The following AHCYL2 variants were observed in gnomAD, a reference collection of about 807,000 sequenced individuals.
The protein encoded by AHCYL2 is adenosylhomocysteinase like 2.
AHCYL2 carries 28 observed loss-of-function variants against 81.4 expected under a neutral mutation model. The ratio of observed to expected loss-of-function variants is 0.34; its 90% CI spans 0.25 to 0.47. The LOEUF is 0.47. Ranked by LOEUF, AHCYL2 falls within the 20% of genes least tolerant of loss-of-function variation. The probability of loss-of-function intolerance (pLI) is 1.00; values close to 1 mark genes in which losing one functional copy is unlikely to be tolerated. For missense variants in AHCYL2, 551 were observed against 785.1 expected (o/e 0.70, Z 3.56); for synonymous variants, 272 against 290.2 (o/e 0.94, Z 0.64).
At chr7:129,269,582 GGTTTTGTTTTGTTTT>G (rs72131185) in intron 1 of AHCYL2, among the ~76,000 whole-genome samples, 8 of 150,870 alleles carry the variant, frequency 5.3e-5, no homozygotes, top group African/African-American at 1.5e-4. Context: ...CCACTGTGCC[GGTTTTGTTTTGTTTT>G]GTTTTGTTTT....
intron 1 of AHCYL2, among the ~76,000 whole-genome samples, chr7:129,377,795 G>C (rs1047639136): frequency 2.6e-5 from 4 of 152,080 alleles, no homozygotes; most frequent in African/African-American, 7.2e-5. Context: ...CCTTTGATTT[G>C]TAGAGTATTA....
chr7:129,366,257 C>G (rs1794111233), intron 1 of AHCYL2, among the ~76,000 whole-genome samples: 1 of 152,156 alleles, frequency 6.6e-6, no homozygotes, highest in Non-Finnish European at 1.5e-5. Context: ...TCTGAATGCA[C>G]CTGGTTCAAC....
At chr7:129,349,478 A>AAC (rs1793475972) in intron 1 of AHCYL2, among the ~76,000 whole-genome samples, 1 of 149,758 alleles carries the variant, frequency 6.7e-6, no homozygotes, top group Non-Finnish European at 1.5e-5. Context: ...CAAAAAAAAA[A>AAC]AAAAAAAAAA....
At position 129,400,487 on chromosome 7, in the gene AHCYL2, G is replaced by A; in HGVS notation, c.918+103G>A. 7 of 1,070,436 alleles carry A rather than the reference G, an allele frequency of 6.5e-6. No homozygotes were observed. In the South Asian group the frequency reaches 1.0e-4, roughly 15 times the overall value. The allele number at this position is 1,070,436 out of a possible 1,614,324, so 66.3% of individuals were successfully genotyped here. ...TTTCCCAACAAGAAGGAAGGAAAAT[G>A]GCTTCATTTCTATCTGATATACCTG... On this transcript the variant is annotated intron_variant, in intron 6 of 16. Coordinates refer to ENST00000325006, the MANE Select transcript of AHCYL2 (RefSeq NM_015328.4).
chr7:129,412,062 T>C (rs1296265323), intron 11 of AHCYL2, among the ~76,000 whole-genome samples: 1 of 151,948 alleles, frequency 6.6e-6, no homozygotes, highest in Non-Finnish European at 1.5e-5. Flanking sequence ...TTTTTAACAT[T>C]TTCAGGCTGG....
chr7:129,228,578 C>T lies in AHCYL2; in HGVS notation c.363+3139C>T, dbSNP rs191481464. Among the ~76,000 whole-genome samples the T allele has an allele frequency of 2.6e-4, 40 of 152,302 alleles. No individual in the cohort carries two copies. In the East Asian group the frequency reaches 6.5e-3, roughly 25 times the overall value. On this transcript the variant is annotated intron_variant, in intron 1 of 16. Coordinates refer to ENST00000325006, the MANE Select transcript of AHCYL2 (RefSeq NM_015328.4). Reference sequence around the variant, plus strand: ...ATTTGGGAAATGGGAAGGTAAGTTCCACAGGGAATGAGGTAGTACTAGCTG... The same window carrying T: ...ATTTGGGAAATGGGAAGGTAAGTTCTACAGGGAATGAGGTAGTACTAGCTG...
At chr7:129,414,379 C>G (rs1019902709) in intron 12 of AHCYL2, among the ~76,000 whole-genome samples, 1 of 149,456 alleles carries the variant, frequency 6.7e-6, no homozygotes, top group African/African-American at 2.5e-5. Context: ...GCACTTGGTA[C>G]TAATAAGTTG....
intron 1 of AHCYL2, among the ~76,000 whole-genome samples, chr7:129,321,743 G>GTTTTTTTTTTTTTTTTTTTTTTTCTTTT: frequency 1.3e-5 from 1 of 77,626 alleles, no homozygotes; most frequent in African/African-American, 4.6e-5. Context: ...TTCTTTCTTT[G>GTTTTTTTTTTTTTTTTTTTTTTTCTTTT]TTTTTTTTTT....
At chr7:129,373,857 A>T (rs1432111874) in intron 1 of AHCYL2, among the ~76,000 whole-genome samples, 1 of 152,202 alleles carries the variant, frequency 6.6e-6, no homozygotes, top group Non-Finnish European at 1.5e-5. Flanking sequence ...AAGCAAGCAA[A>T]TGATCTGTCT....
At chr7:129,231,907 C>T (rs892669587) in intron 1 of AHCYL2, among the ~76,000 whole-genome samples, 7 of 151,856 alleles carry the variant, frequency 4.6e-5, no homozygotes, top group African/African-American at 1.2e-4. Context: ...CCCTCTTGGA[C>T]GCTTGCACTA....
chr7:129,387,907 C>T (rs956483117), intron 2 of AHCYL2, among the ~76,000 whole-genome samples: 2 of 152,200 alleles, frequency 1.3e-5, no homozygotes, highest in Non-Finnish European at 2.9e-5. Context: ...TCTGAAGCCC[C>T]TGCTGCCCAA....
intron 1 of AHCYL2, among the ~76,000 whole-genome samples, chr7:129,228,235 AC>A (rs1263076516): frequency 6.6e-6 from 1 of 152,338 alleles, no homozygotes; most frequent in East Asian, 1.9e-4. Context: ...ATTTTAAGTC[AC>A]ATTTCCATAG....
At chr7:129,293,620 T>A (rs1482430079) in intron 1 of AHCYL2, among the ~76,000 whole-genome samples, 3 of 151,886 alleles carry the variant, frequency 2.0e-5, no homozygotes, top group African/African-American at 7.3e-5. Context: ...GAGTGAACCC[T>A]TGCCTCAAAC....
At chr7:129,357,815 T>A (rs1405946294) in intron 1 of AHCYL2, among the ~76,000 whole-genome samples, 2 of 151,536 alleles carry the variant, frequency 1.3e-5, no homozygotes, top group East Asian at 3.9e-4. Context: ...GCGCCTGTAG[T>A]CCCAGCTACT....
chr7:129,264,676 A>T (rs1460545937), intron 1 of AHCYL2, among the ~76,000 whole-genome samples: 1 of 152,184 alleles, frequency 6.6e-6, no homozygotes, highest in Non-Finnish European at 1.5e-5. Context: ...GGTTGTGCTT[A>T]GCTGAGTTAG....
chr7:129,310,955 A>G (rs1797634957), intron 1 of AHCYL2, among the ~76,000 whole-genome samples: 1 of 152,044 alleles, frequency 6.6e-6, no homozygotes, highest in African/African-American at 2.4e-5. Context: ...TACAAAAATT[A>G]CAATTAGCCA....
At chr7:129,395,041 A>G (rs1166490834) in intron 4 of AHCYL2, among the ~76,000 whole-genome samples, 2 of 151,664 alleles carry the variant, frequency 1.3e-5, no homozygotes. Context: ...GACATTTTTA[A>G]TTGAGTGGTA....
intron 1 of AHCYL2, among the ~76,000 whole-genome samples, chr7:129,361,309 T>C (rs921813603): frequency 1.3e-5 from 2 of 152,204 alleles, no homozygotes; most frequent in African/African-American, 4.8e-5. Context: ...CCTTTACCTT[T>C]CTGCTTAAAT....
At chr7:129,370,514 C>T (rs1311892067) in intron 1 of AHCYL2, among the ~76,000 whole-genome samples, 9 of 152,022 alleles carry the variant, frequency 5.9e-5, no homozygotes, top group East Asian at 5.8e-4. Flanking sequence ...CTGGCTAACA[C>T]AGTGAAACCC....
Sources: allele counts gnomAD v4.1 joint callset (sites outside exome capture counted in the v4.1 genomes callset), GRCh38; gene constraint gnomAD v4.1.1; transcripts MANE v1.5; gene names NCBI Gene and HGNC (gene_info 2026-07-23, HGNC 2026-07-21).